CDH18: variants seen among roughly 807,000 people sequenced by gnomAD.
CDH18 encodes the protein cadherin-18.
A neutral mutation model predicts 67.9 loss-of-function variants in CDH18; 31 were observed. The observed-to-expected ratio is 0.46, with a 90% CI of 0.34 to 0.62. The LOEUF is 0.62. Ranked by LOEUF, CDH18 falls within the 20% of genes least tolerant of loss-of-function variation. The pLI is 0.01. For missense variants in CDH18, 890 were observed against 975.5 expected, an observed-to-expected ratio of 0.91 and a Z score of 1.17; for synonymous variants, 362 against 347.2, an observed-to-expected ratio of 1.04 and a Z score of -0.48.
At chr5:19,824,388 G>T (rs1242741496) in intron 3 of CDH18, among the ~76,000 whole-genome samples, 1 of 152,160 alleles carries the variant, frequency 6.6e-6, no homozygotes, top group East Asian at 1.9e-4. Flanking sequence ...AACCTCCCCA[G>T]TATGGGAAAG....
chr5:20,377,781 G>A (rs1743581774), intron 1 of CDH18, among the ~76,000 whole-genome samples: 1 of 152,074 alleles, frequency 6.6e-6, no homozygotes, highest in Admixed American at 6.5e-5. Flanking sequence ...TTAAAAATGA[G>A]TACAATTACT....
At chr5:20,111,049 C>T (rs1013945568) in intron 2 of CDH18, among the ~76,000 whole-genome samples, 3 of 152,026 alleles carry the variant, frequency 2.0e-5, no homozygotes, top group South Asian at 2.1e-4. Flanking sequence ...AAATCTTTCT[C>T]GGCTATCAGT....
chr5:20,363,239 C>A (rs1270154209), intron 1 of CDH18, among the ~76,000 whole-genome samples: 1 of 152,076 alleles, frequency 6.6e-6, no homozygotes, highest in African/African-American at 2.4e-5. Flanking sequence ...AATCCCAGCA[C>A]TTTGGGAGGC....
At chr5:19,810,244 T>C (rs1305332048) in intron 3 of CDH18, among the ~76,000 whole-genome samples, 2 of 151,964 alleles carry the variant, frequency 1.3e-5, no homozygotes, top group Non-Finnish European at 2.9e-5. Context: ...GGCATGAGAA[T>C]CACTTGAACT....
At chr5:19,914,707 C>A (rs1177469753) in intron 2 of CDH18, among the ~76,000 whole-genome samples, 2 of 152,006 alleles carry the variant, frequency 1.3e-5, no homozygotes, top group Non-Finnish European at 2.9e-5. Context: ...GAATTTTATG[C>A]ATTTTGAGCA....
chr5:19,721,349 GT>G lies in CDH18; in HGVS notation c.640del (p.Thr214GlnfsTer21). On this transcript the variant is annotated frameshift_variant, in exon 5 of 13. Coordinates refer to ENST00000382275, the MANE Select transcript of CDH18 (RefSeq NM_004934.5). LOFTEE classifies it high-confidence loss of function. ...GQPYFSVDPK[T>X]GVIRTALHNM... is the part of the protein sequence containing the mutation. ...GAGTTATGTGTAAATGCACTAACCT[GT>G]TTTAGGGTCGACGGAGAAGTAGGGT... is the stretch of plus-strand genomic sequence containing the variant. The G allele has an allele frequency of 6.2e-7, 1 of 1,600,898 alleles. No individual in the cohort carries two copies. Among genetic ancestry groups the G allele is most frequent in the South Asian group, 1.1e-5 (1 of 89,464 alleles).
chr5:19,789,637 A>G (rs1387268161), intron 3 of CDH18, among the ~76,000 whole-genome samples: 1 of 152,168 alleles, frequency 6.6e-6, no homozygotes, highest in African/African-American at 2.4e-5. Flanking sequence ...CAAATAGGCA[A>G]GAAGAGAAGA....
intron 1 of CDH18, among the ~76,000 whole-genome samples, chr5:20,414,612 A>T (rs1424752880): frequency 6.6e-6 from 1 of 152,210 alleles, no homozygotes; most frequent in East Asian, 1.9e-4. Flanking sequence ...ATCCAAATGT[A>T]AAAAATAAAT....
chr5:20,488,060 T>G (rs1160582851), intron 1 of CDH18, among the ~76,000 whole-genome samples: 1 of 152,142 alleles, frequency 6.6e-6, no homozygotes, highest in Non-Finnish European at 1.5e-5. Context: ...ATTTCTTTCT[T>G]GCAGTTCTGA....
intron 2 of CDH18, among the ~76,000 whole-genome samples, chr5:20,007,739 T>C (rs1737036481): frequency 6.6e-6 from 1 of 150,988 alleles, no homozygotes; most frequent in Admixed American, 6.7e-5. Context: ...GGCCTGCCAC[T>C]TGTTTTTGTA....
At chr5:19,508,688 G>GACTGTTACTGTTAATTAGAGTTACTGTT (rs1304724372) in intron 10 of CDH18, among the ~76,000 whole-genome samples, 1 of 151,998 alleles carries the variant, frequency 6.6e-6, no homozygotes, top group Non-Finnish European at 1.5e-5. Flanking sequence ...AATTGAGACA[G>GACTGTTACTGTTAATTAGAGTTACTGTT]ACTGTTACTG....
intron 2 of CDH18, among the ~76,000 whole-genome samples, chr5:20,179,245 T>G (rs1686506350): frequency 6.6e-6 from 1 of 152,146 alleles, no homozygotes; most frequent in Admixed American, 6.6e-5. Context: ...GTTCTAACAA[T>G]AATTTTGCAA....
At chr5:20,454,052 C>A (rs1251892199) in intron 1 of CDH18, among the ~76,000 whole-genome samples, 1 of 152,038 alleles carries the variant, frequency 6.6e-6, no homozygotes, top group Non-Finnish European at 1.5e-5. Context: ...TATGACAAAC[C>A]TTTTTAGGCA....
intron 7 of CDH18, among the ~76,000 whole-genome samples, chr5:19,586,874 T>C (rs1198051774): frequency 1.3e-5 from 2 of 152,170 alleles, no homozygotes; most frequent in Non-Finnish European, 2.9e-5. Flanking sequence ...GCATCTGTTG[T>C]ATTTGACTTT....
At chr5:19,493,881 T>C (rs545753960) in intron 11 of CDH18, among the ~76,000 whole-genome samples, 10 of 152,166 alleles carry the variant, frequency 6.6e-5, no homozygotes, top group Non-Finnish European at 1.3e-4. Context: ...TGTAACTTTT[T>C]GCCAAATGAA....
At chr5:19,520,306 C>A (rs565136709) in intron 10 of CDH18, among the ~76,000 whole-genome samples, 1 of 152,140 alleles carries the variant, frequency 6.6e-6, no homozygotes, top group Admixed American at 6.6e-5. Flanking sequence ...TAGAGCTAGT[C>A]CCTCTGACAC....
intron 2 of CDH18, among the ~76,000 whole-genome samples, chr5:19,894,313 T>C (rs1441563602): frequency 6.6e-6 from 1 of 152,116 alleles, no homozygotes; most frequent in Non-Finnish European, 1.5e-5. Context: ...TATGTTCATA[T>C]GAATACAGGT....
At chr5:20,526,240 G>A (rs1213420633) in intron 1 of CDH18, among the ~76,000 whole-genome samples, 1 of 152,112 alleles carries the variant, frequency 6.6e-6, no homozygotes. Context: ...CCAAGCCAGG[G>A]GTTTGCAGAC....
chr5:19,801,961 T>C (rs1397563156), intron 3 of CDH18, among the ~76,000 whole-genome samples: 2 of 152,056 alleles, frequency 1.3e-5, no homozygotes, highest in African/African-American at 2.4e-5. Flanking sequence ...TGTAACAAAA[T>C]TGAAAAATCA....
Sources: gnomAD v4.1 joint callset for allele counts (sites outside exome capture counted in the v4.1 genomes callset) on GRCh38, gnomAD v4.1.1 for gene constraint, MANE v1.5 for transcripts, NCBI Gene and HGNC (gene_info 2026-07-23, HGNC 2026-07-21) for gene names.